TSHZ2: variants seen among roughly 807,000 people sequenced by gnomAD.
The protein encoded by TSHZ2 is teashirt homolog 2.
In TSHZ2, 21 loss-of-function variants were observed where a neutral mutation model predicts 74.4. The observed-to-expected ratio is 0.28, with a 90% CI of 0.20 to 0.41. TSHZ2 has a LOEUF of 0.41. TSHZ2 is among the 10% of genes least tolerant of loss of function. TSHZ2 has a pLI of 1.00. For synonymous variants in TSHZ2, 540 were observed against 515.3 expected (o/e 1.05, Z -0.65); for missense variants, 1,244 against 1,293.5 (o/e 0.96, Z 0.59).
rs1162302466 is a variant in TSHZ2 at position 53,331,633 on chromosome 20, G to T, written c.*8+75062G>T. Among the ~76,000 whole-genome samples the T allele has an allele frequency of 2.0e-5, 3 of 152,280 alleles. No individual in the cohort carries two copies. In the East Asian group the frequency reaches 5.8e-4, roughly 29 times the overall value. ...GTGTGTGGGAGAAGTGACCACCATG[G>T]CTCAACGGAAGTCAGTCCCTCAGCC... On this transcript the variant is annotated intron_variant, in intron 2 of 2. Transcript: ENST00000371497.
chr20:53,358,038 G>A (rs394661), intron 2 of TSHZ2, among the ~76,000 whole-genome samples: 67,769 of 151,974 alleles, frequency 0.45, 15,556 homozygotes, highest in African/African-American at 0.49. Flanking sequence ...ACCAGGGAGA[G>A]ATGGTATAAT....
intron 2 of TSHZ2, among the ~76,000 whole-genome samples, chr20:53,361,152 AC>A (rs1225859550): frequency 6.6e-6 from 1 of 151,728 alleles, no homozygotes; most frequent in African/African-American, 2.4e-5. Context: ...AATAAAGAAC[AC>A]CCCCCAAAGC....
At chr20:53,380,749 GC>G (rs1366812485) in intron 2 of TSHZ2, among the ~76,000 whole-genome samples, 1 of 152,180 alleles carries the variant, frequency 6.6e-6, no homozygotes, top group East Asian at 1.9e-4. Context: ...CACCTTACAA[GC>G]AGGTGAACAC....
At chr20:53,144,566 T>G (rs1484136435) in intron 1 of TSHZ2, among the ~76,000 whole-genome samples, 1 of 152,232 alleles carries the variant, frequency 6.6e-6, no homozygotes, top group Non-Finnish European at 1.5e-5. Context: ...TGTATATGTT[T>G]TAACTCCATG....
chr20:53,247,482 CTG>C (rs1990234514), intron 1 of TSHZ2, among the ~76,000 whole-genome samples: 1 of 152,220 alleles, frequency 6.6e-6, no homozygotes. Flanking sequence ...TCCTTGAACA[CTG>C]AATCCTATAT....
intron 1 of TSHZ2, among the ~76,000 whole-genome samples, chr20:53,027,786 G>A (rs1327055005): frequency 3.9e-5 from 6 of 152,098 alleles, no homozygotes; most frequent in Non-Finnish European, 7.4e-5. Context: ...TAGAGACCCT[G>A]AAGGGACTTG....
At chr20:53,384,554 C>A (rs778648683) in intron 2 of TSHZ2, among the ~76,000 whole-genome samples, 10 of 152,172 alleles carry the variant, frequency 6.6e-5, no homozygotes, top group Admixed American at 5.2e-4. Context: ...CGTCTAGTCC[C>A]TGCCTGACCA....
At position 52,989,543 on chromosome 20, in the gene TSHZ2, C is replaced by T. The variant is rs143020653; in HGVS notation, c.40+16210C>T. Among the ~76,000 whole-genome samples, 5 of 152,292 alleles carry T rather than the reference C, an allele frequency of 3.3e-5. No homozygotes were observed. The East Asian group carries it at 9.6e-4, about 29-fold the overall frequency. On this transcript the variant is annotated intron_variant, in intron 1 of 2. Coordinates refer to ENST00000371497, the MANE Select transcript of TSHZ2 (RefSeq NM_173485.6). ...ACTCTTTGAACAACCAGCTTAAAATCTCTGTGCCTCACTCCTGTAAAATAG... is the reference window on the plus strand; with the variant it reads ...ACTCTTTGAACAACCAGCTTAAAATTTCTGTGCCTCACTCCTGTAAAATAG...
At chr20:53,323,742 A>AT (rs544921257) in intron 2 of TSHZ2, among the ~76,000 whole-genome samples, 1 of 151,374 alleles carries the variant, frequency 6.6e-6, no homozygotes, top group Non-Finnish European at 1.5e-5. Context: ...CACCCAGCTA[A>AT]TTTTTTTGTC....
intron 1 of TSHZ2, among the ~76,000 whole-genome samples, chr20:53,109,722 G>C (rs1174942140): frequency 1.3e-5 from 2 of 152,136 alleles, no homozygotes; most frequent in African/African-American, 4.8e-5. Flanking sequence ...TTGTTTTCCT[G>C]GTTATGATAG....
Position 53,268,727 on chromosome 20 carries a change from A to G in TSHZ2, c.*8+12156A>G, listed in dbSNP as rs138526976. Among the ~76,000 whole-genome samples the G allele has an allele frequency of 4.6e-3, 701 of 152,290 alleles. 9 individuals are homozygous for G. Among genetic ancestry groups the G allele is most frequent in the African/African-American group, 0.016 (685 of 41,560 alleles). On this transcript the variant is annotated intron_variant, in intron 2 of 2. Transcript: ENST00000371497. ...GCTCACCTGTTGACTGGAACAAACA[A>G]TAGTCCCTTCTTCATGCGGGCATGG...
chr20:53,407,443 A>C (rs181473388), intron 2 of TSHZ2, among the ~76,000 whole-genome samples: 1 of 152,222 alleles, frequency 6.6e-6, no homozygotes, highest in East Asian at 1.9e-4. Context: ...TTTGAATGCA[A>C]TTATCACCTT....
At chr20:53,053,941 T>C (rs534280206) in intron 1 of TSHZ2, among the ~76,000 whole-genome samples, 4 of 152,322 alleles carry the variant, frequency 2.6e-5, no homozygotes, top group South Asian at 2.1e-4. Flanking sequence ...ACTGAACTCA[T>C]AGTGTTTTCT....
At chr20:53,312,700 G>A (rs6097357) in intron 2 of TSHZ2, among the ~76,000 whole-genome samples, 1 of 152,142 alleles carries the variant, frequency 6.6e-6, no homozygotes, top group African/African-American at 2.4e-5. Context: ...AGGGCCTGCA[G>A]GTGGCAAGGT....
At chr20:53,205,142 G>A (rs976765265) in intron 1 of TSHZ2, among the ~76,000 whole-genome samples, 3 of 151,268 alleles carry the variant, frequency 2.0e-5, no homozygotes, top group African/African-American at 4.9e-5. Context: ...CAGTTATCAC[G>A]TGAGCGATTC....
At chr20:53,402,901 C>G (rs149409346) in intron 2 of TSHZ2, among the ~76,000 whole-genome samples, 2 of 152,214 alleles carry the variant, frequency 1.3e-5, no homozygotes, top group Non-Finnish European at 2.9e-5. Context: ...ACCCACCACA[C>G]TGTTCAGCTC....
chr20:53,325,752 G>C (rs1236273873), intron 2 of TSHZ2, among the ~76,000 whole-genome samples: 3 of 151,958 alleles, frequency 2.0e-5, no homozygotes, highest in Non-Finnish European at 4.4e-5. Context: ...GCAAATTAAG[G>C]CCCTCCCGGC....
intron 2 of TSHZ2, among the ~76,000 whole-genome samples, chr20:53,338,809 G>A (rs575191270): frequency 2.6e-4 from 40 of 152,226 alleles, no homozygotes; most frequent in Non-Finnish European, 4.3e-4. Flanking sequence ...TACTGAGGGC[G>A]AGAAGTCCTG....
At chr20:53,470,761 G>A (rs573322609) in intron 2 of TSHZ2, among the ~76,000 whole-genome samples, 33 of 152,102 alleles carry the variant, frequency 2.2e-4, no homozygotes, top group African/African-American at 7.7e-4. Flanking sequence ...TGCAGTGAGC[G>A]GAGATTGCGC....
Sources: gnomAD v4.1 joint callset for allele counts (sites outside exome capture counted in the v4.1 genomes callset) on GRCh38, gnomAD v4.1.1 for gene constraint, MANE v1.5 for transcripts, NCBI Gene and HGNC (gene_info 2026-07-23, HGNC 2026-07-21) for gene names.